Variants in ANKRD45 observed in about 807,000 individuals in gnomAD.
The protein encoded by ANKRD45 is ankyrin repeat domain-containing protein 45.
A neutral mutation model predicts 28.1 loss-of-function variants in ANKRD45; 21 were observed. The ratio of observed to expected loss-of-function variants is 0.75; its 90% CI spans 0.53 to 1.08. The LOEUF is 1.08. ANKRD45 is among the 50% of genes least tolerant of loss of function. ANKRD45 has a pLI of 0.00. For synonymous variants in ANKRD45, 86 were observed against 103.9 expected, an observed-to-expected ratio of 0.83 and a Z score of 1.05; for missense variants, 261 against 308.7, an observed-to-expected ratio of 0.85 and a Z score of 1.16.
the ANKRD45 span, among the ~76,000 whole-genome samples, chr1:173,684,759 T>C: frequency 2.0e-5 from 3 of 152,204 alleles, no homozygotes; most frequent in South Asian, 2.1e-4. Flanking sequence ...TCTGCTAATA[T>C]CATGTTTAAG....
chr1:173,659,171 G>A lies in ANKRD45; in HGVS notation c.248C>T (p.Ala83Val). The A allele has an allele frequency of 6.2e-7, 1 of 1,614,138 alleles. No individual in the cohort carries two copies. The highest frequency in any genetic ancestry group is 8.5e-7 in the Non-Finnish European group (1 of 1,180,030). Residue 83 changes from alanine to valine, a missense_variant, in exon 2 of 6, where the codon GCA becomes GTA. Coordinates refer to ENST00000333279, the MANE Select transcript of ANKRD45 (RefSeq NM_198493.3). ...EDIVGRNLLYAACMAGQSDVI... is the reference protein window; with the variant it reads ...EDIVGRNLLYVACMAGQSDVI... ...GTCACTTTGCCCAGCCATGCAAGCTGCATACAACAAATTTCTCCCAACGAT... is the reference window on the plus strand; with the variant it reads ...GTCACTTTGCCCAGCCATGCAAGCTACATACAACAAATTTCTCCCAACGAT...
intron 1 of ANKRD45, among the ~76,000 whole-genome samples, chr1:173,665,064 A>G (rs1669950624): frequency 6.6e-6 from 1 of 152,212 alleles, no homozygotes; most frequent in Admixed American, 6.5e-5. Context: ...AGTAAATAGA[A>G]GCTACCATCA....
chr1:173,684,639 A>T, the ANKRD45 span, among the ~76,000 whole-genome samples: 1 of 152,246 alleles, frequency 6.6e-6, no homozygotes. Context: ...AACTCATTGG[A>T]CAGAGAAGTT....
At chr1:173,690,074 C>G in the ANKRD45 span, among the ~76,000 whole-genome samples, 6 of 119,170 alleles carry the variant, frequency 5.0e-5, no homozygotes, top group Admixed American at 7.8e-5. Flanking sequence ...CCCCCCCCCC[C>G]CCGACCTCCC....
At chr1:173,650,058 A>G (rs186711828) in intron 2 of ANKRD45, among the ~76,000 whole-genome samples, 31 of 152,340 alleles carry the variant, frequency 2.0e-4, no homozygotes, top group East Asian at 1.9e-3. Flanking sequence ...GGTCTTTCAT[A>G]TAAATCAATA....
the ANKRD45 span, among the ~76,000 whole-genome samples, chr1:173,700,655 TTA>T: frequency 1.3e-5 from 2 of 152,144 alleles, no homozygotes; most frequent in Admixed American, 1.3e-4. Flanking sequence ...TCCTTACACC[TTA>T]TACAAAAATT....
intron 4 of ANKRD45, among the ~76,000 whole-genome samples, chr1:173,625,500 C>T (rs995910524): frequency 1.6e-4 from 24 of 152,250 alleles, no homozygotes; most frequent in African/African-American, 5.3e-4. Flanking sequence ...ATTATCTCAT[C>T]GCACATATGC....
chr1:173,687,906 C>T, the ANKRD45 span, among the ~76,000 whole-genome samples: 3 of 151,854 alleles, frequency 2.0e-5, no homozygotes, highest in Non-Finnish European at 4.4e-5. Context: ...CTGGTCGGAC[C>T]TTTGTGTAGT....
At chr1:173,714,598 T>C in the ANKRD45 span, among the ~76,000 whole-genome samples, 1 of 152,164 alleles carries the variant, frequency 6.6e-6, no homozygotes, top group Non-Finnish European at 1.5e-5. Context: ...CATGCAATAA[T>C]TCAATCCACA....
chr1:173,643,928 C>T (rs1181575505), intron 3 of ANKRD45, among the ~76,000 whole-genome samples: 1 of 152,118 alleles, frequency 6.6e-6, no homozygotes, highest in Non-Finnish European at 1.5e-5. Flanking sequence ...TTCCAGACTC[C>T]CTTTACCTCC....
At chr1:173,616,636 G>A (rs1011066273) in intron 5 of ANKRD45, among the ~76,000 whole-genome samples, 1 of 152,070 alleles carries the variant, frequency 6.6e-6, no homozygotes, top group Non-Finnish European at 1.5e-5. Flanking sequence ...ATTCTGATAC[G>A]TTCACCTTTC....
chr1:173,711,434 TC>T, the ANKRD45 span, among the ~76,000 whole-genome samples: 1 of 152,210 alleles, frequency 6.6e-6, no homozygotes, highest in African/African-American at 2.4e-5. Context: ...GGAGAAGGCT[TC>T]CAGGTCATAG....
the ANKRD45 span, among the ~76,000 whole-genome samples, chr1:173,706,301 C>CA: frequency 0.45 from 42,414 of 93,342 alleles, 8,388 homozygotes; most frequent in East Asian, 0.67. Flanking sequence ...GATTCCGTCT[C>CA]AAAAAAAAAA....
chr1:173,678,306 A>G, the ANKRD45 span, among the ~76,000 whole-genome samples: 4 of 152,188 alleles, frequency 2.6e-5, no homozygotes, highest in Admixed American at 1.3e-4. Context: ...TCGATGCAAA[A>G]ATCCTCAATA....
chr1:173,702,500 A>G, the ANKRD45 span, among the ~76,000 whole-genome samples: 1 of 152,180 alleles, frequency 6.6e-6, no homozygotes. Context: ...CTTGGGGAAC[A>G]ACTACATTTA....
chr1:173,620,009 G>A (rs1332783550), intron 5 of ANKRD45, among the ~76,000 whole-genome samples: 1 of 152,054 alleles, frequency 6.6e-6, no homozygotes, highest in African/African-American at 2.4e-5. Context: ...AATAATGGGA[G>A]ACTTTAACAC....
intron 2 of ANKRD45, chr1:173,658,112 C>G (rs1407868367): frequency 6.5e-6 from 1 of 153,182 alleles, no homozygotes; most frequent in East Asian, 1.9e-4. Flanking sequence ...CACTGGAGGT[C>G]AGGAGATCGA....
rs538023079 is a variant in ANKRD45, at chr1:173,651,622, T to C, written c.329-4609A>G. 7.2e-5 allele frequency among the ~76,000 whole-genome samples: 11 copies of C among 152,340 alleles called. No homozygotes were observed. In the East Asian group the frequency reaches 2.1e-3, roughly 29 times the overall value. On this transcript the variant is annotated intron_variant, in intron 2 of 5. Transcript: ENST00000333279. ...TGAACTTTAAAGTAGTTTTTTCCAA[T>C]TGTGTGAAGAAAGTCATTGGTAGCT...
chr1:173,692,044 TGTGGAGCAGCTGATTGGAATGAGTTAGG>T, the ANKRD45 span, among the ~76,000 whole-genome samples: 2 of 152,020 alleles, frequency 1.3e-5, no homozygotes, highest in African/African-American at 4.8e-5. Context: ...AATGAGTTAG[TGTGGAGCAGCTGATTGGAATGAGTTAGG>T]GTGGAGCAGA....
Sources: gnomAD v4.1 joint callset for allele counts (sites outside exome capture counted in the v4.1 genomes callset) on GRCh38, gnomAD v4.1.1 for gene constraint, MANE v1.5 for transcripts, NCBI Gene and HGNC (gene_info 2026-07-23, HGNC 2026-07-21) for gene names.